KAT6B: variants seen among roughly 807,000 people sequenced by gnomAD.
KAT6B encodes the protein histone acetyltransferase KAT6B.
A neutral mutation model predicts 187.5 loss-of-function variants in KAT6B; 10 were observed. That is an observed-to-expected ratio of 0.05 (90% CI 0.03 to 0.09). The LOEUF (loss-of-function observed/expected upper bound fraction) is 0.09, where lower values mean the gene tolerates loss of function less well. Among genes scored for constraint, KAT6B ranks in the 10% least tolerant of loss-of-function variants. The probability of loss-of-function intolerance (pLI) is 1.00; values close to 1 mark genes in which losing one functional copy is unlikely to be tolerated. For missense variants in KAT6B, 1,952 were observed against 2,558.9 expected (o/e 0.76, Z 5.12); for synonymous variants, 861 against 926.8 (o/e 0.93, Z 1.29).
chr10:74,916,002 A>C (rs1342331583), intron 3 of KAT6B, among the ~76,000 whole-genome samples: 2 of 152,148 alleles, frequency 1.3e-5, no homozygotes, highest in Non-Finnish European at 2.9e-5. Flanking sequence ...GCCTCTACTA[A>C]TAATACAAAA....
intron 3 of KAT6B, among the ~76,000 whole-genome samples, chr10:74,938,564 T>C (rs1406450115): frequency 6.6e-6 from 1 of 152,182 alleles, no homozygotes; most frequent in Non-Finnish European, 1.5e-5. Context: ...TGCTTACTGA[T>C]TATTCTTTGA....
chr10:74,865,011 C>A (rs1158731558), intron 3 of KAT6B, among the ~76,000 whole-genome samples: 1 of 152,132 alleles, frequency 6.6e-6, no homozygotes, highest in Non-Finnish European at 1.5e-5. Flanking sequence ...GTACATTCTT[C>A]TTGAAAAAGT....
At chr10:74,861,342 T>A (rs1256087426) in intron 3 of KAT6B, among the ~76,000 whole-genome samples, 1 of 152,210 alleles carries the variant, frequency 6.6e-6, no homozygotes, top group African/African-American at 2.4e-5. Flanking sequence ...ATACAGCTGT[T>A]ATTCCTTTTC....
chr10:74,860,994 G>A (rs543100432), intron 3 of KAT6B, among the ~76,000 whole-genome samples: 10 of 152,220 alleles, frequency 6.6e-5, no homozygotes, highest in South Asian at 4.2e-4. Context: ...AAAATTAGCC[G>A]GGCGTGGTGG....
intron 1 of KAT6B, among the ~76,000 whole-genome samples, chr10:74,829,455 A>G (rs1209612642): frequency 6.7e-6 from 1 of 149,184 alleles, no homozygotes; most frequent in African/African-American, 2.5e-5. Flanking sequence ...AAAAGGAAAT[A>G]GTTTTTTTTT....
At chr10:74,982,282 C>G in intron 11 of KAT6B, 1 of 319,074 alleles carries the variant, frequency 3.1e-6, no homozygotes, top group Non-Finnish European at 6.0e-6. Context: ...CAATGTCTGG[C>G]AGGTGCTCAC....
At chr10:74,929,921 C>CTT (rs370938293) in intron 3 of KAT6B, among the ~76,000 whole-genome samples, 104 of 136,044 alleles carry the variant, frequency 7.6e-4, no homozygotes, top group Admixed American at 1.8e-3. Context: ...ATTATTTTTC[C>CTT]TTTTTTTTTT....
intron 3 of KAT6B, among the ~76,000 whole-genome samples, chr10:74,947,775 G>A (rs1366566706): frequency 3.9e-5 from 6 of 152,164 alleles, no homozygotes; most frequent in African/African-American, 1.4e-4. Flanking sequence ...TCACCCTCAG[G>A]GGAAGGCCTT....
chr10:74,977,032 G>A (rs1044527126), intron 8 of KAT6B: 11 of 347,258 alleles, frequency 3.2e-5, no homozygotes, highest in African/African-American at 2.3e-4. Flanking sequence ...TTCTAATCTT[G>A]GTTGAAAAAT....
intron 3 of KAT6B, among the ~76,000 whole-genome samples, chr10:74,902,483 G>A (rs188286923): frequency 8.3e-4 from 126 of 152,038 alleles, no homozygotes; most frequent in African/African-American, 2.7e-3. Context: ...TGCTTACTGG[G>A]GAAAAATGAG....
At chr10:75,004,272 G>T (rs1430981659) in intron 13 of KAT6B, among the ~76,000 whole-genome samples, 1 of 152,146 alleles carries the variant, frequency 6.6e-6, no homozygotes, top group Admixed American at 6.5e-5. Flanking sequence ...CAAGCCATGA[G>T]CACAGTGCCT....
chr10:74,827,471 TG>T (rs1446678857), intron 1 of KAT6B, among the ~76,000 whole-genome samples: 1 of 151,922 alleles, frequency 6.6e-6, no homozygotes, highest in African/African-American at 2.4e-5. Context: ...GTGGATCGCA[TG>T]TTGGAATAAG....
At chr10:75,019,130 A>G (rs191884177) in intron 13 of KAT6B, among the ~76,000 whole-genome samples, 31 of 152,342 alleles carry the variant, frequency 2.0e-4, no homozygotes, top group African/African-American at 4.8e-4. Context: ...GAAAGCCCCA[A>G]TCTGCTGCCA....
rs199821142 is a variant in KAT6B at position 75,022,280 on chromosome 10, T to C, written c.3372+49T>C. The C allele has an allele frequency of 6.3e-6, 10 of 1,598,330 alleles. No homozygotes were observed. In the Admixed American group the frequency reaches 1.0e-4, roughly 16 times the overall value. ...GTGAGTCGCGTTCAATCAAATCTTA[T>C]TTGTCATTGCAGACATTCTGTCTAT... On this transcript the variant is annotated intron_variant, in intron 16 of 17. Transcript: ENST00000287239.
intron 1 of KAT6B, among the ~76,000 whole-genome samples, chr10:74,837,451 A>G (rs1367982219): frequency 6.6e-6 from 1 of 152,226 alleles, no homozygotes; most frequent in Non-Finnish European, 1.5e-5. Flanking sequence ...AAAAATGAAA[A>G]GAGAATAATG....
chr10:74,996,471 T>G (rs970664371), intron 13 of KAT6B, among the ~76,000 whole-genome samples: 5 of 152,050 alleles, frequency 3.3e-5, no homozygotes, highest in Non-Finnish European at 7.4e-5. Context: ...ACAGAAACAC[T>G]TAAAAAGCTA....
intron 3 of KAT6B, among the ~76,000 whole-genome samples, chr10:74,854,798 A>G (rs1167480972): frequency 6.6e-6 from 1 of 152,154 alleles, no homozygotes; most frequent in Non-Finnish European, 1.5e-5. Context: ...TTTTGGCTCT[A>G]TTTTGTCCTT....
intron 11 of KAT6B, chr10:74,982,215 C>A (rs1299542886): frequency 2.7e-6 from 1 of 372,510 alleles, no homozygotes; most frequent in Non-Finnish European, 5.0e-6. Context: ...CTCCTCAGCT[C>A]TTTGTAAATT....
intron 3 of KAT6B, among the ~76,000 whole-genome samples, chr10:74,944,241 T>C (rs1384101605): frequency 6.6e-6 from 1 of 152,194 alleles, no homozygotes; most frequent in East Asian, 1.9e-4. Context: ...CACTCAGTAA[T>C]GTGGGCCTGT....
Sources: allele counts gnomAD v4.1 joint callset (sites outside exome capture counted in the v4.1 genomes callset), GRCh38; gene constraint gnomAD v4.1.1; transcripts MANE v1.5; gene names NCBI Gene and HGNC (gene_info 2026-07-23, HGNC 2026-07-21).